The following REDIC1 variants were observed in gnomAD, a reference collection of about 807,000 sequenced individuals.
REDIC1 encodes regulator of DNA class I crossover intermediates 1, also known as HEI10 Interacting Protein 1.
At chr12:39,652,940 G>A in the REDIC1 span, among the ~76,000 whole-genome samples, 3 of 151,998 alleles carry the variant, frequency 2.0e-5, no homozygotes, top group East Asian at 5.8e-4. Context: ...TTTATTGTTA[G>A]TTTTGAGATC....
chr12:39,864,986 C>A, the REDIC1 span: 1 of 1,082,550 alleles, frequency 9.2e-7, no homozygotes, highest in Admixed American at 2.8e-5. Flanking sequence ...CAAACAAAAA[C>A]TCCTGAAAAA....
chr12:39,801,226 CCCT>C, the REDIC1 span, among the ~76,000 whole-genome samples: 1 of 75,492 alleles, frequency 1.3e-5, no homozygotes, highest in Non-Finnish European at 3.2e-5. Flanking sequence ...TGCACATGTA[CCCT>C]AAAACTTAGA....
At chr12:39,725,743 G>A in the REDIC1 span, among the ~76,000 whole-genome samples, 1 of 151,006 alleles carries the variant, frequency 6.6e-6, no homozygotes, top group Admixed American at 6.6e-5. Flanking sequence ...TTTTATATAT[G>A]TATAATATAT....
chr12:39,758,959 TAAAC>T, the REDIC1 span: 2 of 152,352 alleles, frequency 1.3e-5, no homozygotes, highest in African/African-American at 2.4e-5. Flanking sequence ...TTATTTTTAT[TAAAC>T]AAACACCAAT....
the REDIC1 span, chr12:39,871,964 G>C: frequency 6.3e-7 from 1 of 1,576,414 alleles, no homozygotes; most frequent in Non-Finnish European, 8.6e-7. Flanking sequence ...TGTAGTACCT[G>C]CAAAGCAATG....
At chr12:39,733,460 C>G in the REDIC1 span, among the ~76,000 whole-genome samples, 2 of 151,912 alleles carry the variant, frequency 1.3e-5, no homozygotes, top group Non-Finnish European at 2.9e-5. Flanking sequence ...TTTTTCCTGT[C>G]AAATTCTTTG....
the REDIC1 span, among the ~76,000 whole-genome samples, chr12:39,694,643 C>G: frequency 6.6e-6 from 1 of 152,146 alleles, no homozygotes; most frequent in Admixed American, 6.5e-5. Context: ...CTCTGGTGCT[C>G]TAAGTAAATT....
chr12:39,870,876 T>C, the REDIC1 span, among the ~76,000 whole-genome samples: 2 of 152,190 alleles, frequency 1.3e-5, no homozygotes, highest in African/African-American at 4.8e-5. Context: ...ACTTAGAATG[T>C]ATTTTCTCAT....
chr12:39,798,870 TATATA>T, the REDIC1 span, among the ~76,000 whole-genome samples: 1 of 151,870 alleles, frequency 6.6e-6, no homozygotes, highest in Admixed American at 6.6e-5. Context: ...TTATGTATTT[TATATA>T]ATATAAAAAT....
At chr12:39,842,117 C>G in the REDIC1 span, among the ~76,000 whole-genome samples, 1 of 151,964 alleles carries the variant, frequency 6.6e-6, no homozygotes. Context: ...GGGGTTCCAA[C>G]CTAAGGATGT....
chr12:39,821,852 A>G, the REDIC1 span, among the ~76,000 whole-genome samples: 1 of 152,206 alleles, frequency 6.6e-6, no homozygotes, highest in Non-Finnish European at 1.5e-5. Flanking sequence ...TTGAACAATA[A>G]TACAATCGAT....
the REDIC1 span, among the ~76,000 whole-genome samples, chr12:39,690,370 A>G: frequency 6.6e-6 from 1 of 152,236 alleles, no homozygotes; most frequent in South Asian, 2.1e-4. Context: ...AAGTTAAAAT[A>G]CAATTGTTAA....
chr12:39,855,997 C>T, the REDIC1 span, among the ~76,000 whole-genome samples: 4 of 152,164 alleles, frequency 2.6e-5, no homozygotes, highest in Admixed American at 1.3e-4. Flanking sequence ...ACTGCTGGGT[C>T]TACTAGCATG....
chr12:39,633,147 C>G, the REDIC1 span, among the ~76,000 whole-genome samples: 2 of 151,728 alleles, frequency 1.3e-5, no homozygotes, highest in African/African-American at 4.8e-5. Context: ...GTTACAAATT[C>G]TTTTTAACTT....
chr12:39,830,297 T>C, the REDIC1 span: 8 of 1,554,138 alleles, frequency 5.1e-6, no homozygotes, highest in South Asian at 8.7e-5. Flanking sequence ...CTGGATTCCA[T>C]GTGCTTCTCT....
At chr12:39,824,684 C>T in the REDIC1 span, among the ~76,000 whole-genome samples, 12 of 152,200 alleles carry the variant, frequency 7.9e-5, no homozygotes, top group African/African-American at 2.4e-4. Context: ...GTGAGGTGTT[C>T]CAGTAGGACT....
the REDIC1 span, among the ~76,000 whole-genome samples, chr12:39,827,152 A>G: frequency 6.2e-4 from 94 of 151,838 alleles, no homozygotes; most frequent in Admixed American, 1.4e-3. Context: ...ACATGCCTCT[A>G]TGGATGTCTC....
the REDIC1 span, among the ~76,000 whole-genome samples, chr12:39,858,458 T>A: frequency 1.3e-5 from 2 of 152,114 alleles, no homozygotes; most frequent in South Asian, 4.1e-4. Flanking sequence ...GAAAAAAAAA[T>A]GTTTAACACA....
chr12:39,896,250 AT>A, the REDIC1 span, among the ~76,000 whole-genome samples: 2 of 99,822 alleles, frequency 2.0e-5, no homozygotes, highest in East Asian at 6.8e-4. Flanking sequence ...ATATGTATAC[AT>A]GTATGTATAT....
Sources: gnomAD v4.1 joint callset for allele counts (sites outside exome capture counted in the v4.1 genomes callset) on GRCh38, gnomAD v4.1.1 for gene constraint, MANE v1.5 for transcripts, NCBI Gene and HGNC (gene_info 2026-07-23, HGNC 2026-07-21) for gene names.